The following CSMD1 variants were observed in gnomAD, a reference collection of about 807,000 sequenced individuals.
The protein encoded by CSMD1 is CUB and Sushi multiple domains 1.
A neutral mutation model predicts 417.5 loss-of-function variants in CSMD1; 213 were observed. The observed-to-expected ratio is 0.51, with a 90% confidence interval of 0.46 to 0.57. The LOEUF (loss-of-function observed/expected upper bound fraction) is 0.57. CSMD1 is among the 20% of genes least tolerant of loss of function. The probability of loss-of-function intolerance (pLI) is 0.00; values close to 1 mark genes in which losing one functional copy is unlikely to be tolerated. For missense variants in CSMD1, 6,923 were observed against 4,529.7 expected (o/e 1.53, Z -15.17); for synonymous variants, 2,862 against 1,736.8 (o/e 1.65, Z -16.11).
chr8:3,348,199 A>G (rs1445746970), intron 21 of CSMD1, 38 bp from the exon 22 acceptor site: 2 of 1,547,374 alleles, frequency 1.3e-6, no homozygotes, highest in Non-Finnish European at 1.8e-6. Context: ...AGGATTCAAA[A>G]GTGGAATTAC....
chr8:4,645,378 A>C (rs117338294), intron 1 of CSMD1, among the ~76,000 whole-genome samples: 2,613 of 143,288 alleles, frequency 0.018, 37 homozygotes, highest in South Asian at 0.038. Flanking sequence ...TAATGGTAAT[A>C]AAGTCATTCA....
intron 3 of CSMD1, among the ~76,000 whole-genome samples, chr8:4,170,943 G>C (rs183882276): frequency 1.3e-5 from 2 of 151,694 alleles, no homozygotes; most frequent in Non-Finnish European, 2.9e-5. Flanking sequence ...GCTGTGTTAC[G>C]CAAATGTCAT....
At chr8:3,101,900 C>G (rs868426133) in intron 46 of CSMD1, among the ~76,000 whole-genome samples, 1 of 146,154 alleles carries the variant, frequency 6.8e-6, no homozygotes, top group Non-Finnish European at 1.5e-5. Flanking sequence ...ATGCGGGGTT[C>G]AAGCAATTCT....
chr8:3,284,463 G>C (rs1314270227), intron 25 of CSMD1, 117 bp from the exon 26 acceptor site: 6 of 701,440 alleles, frequency 8.6e-6, no homozygotes, highest in East Asian at 2.7e-5. Flanking sequence ...CATGTGCCTC[G>C]GTACTTACTG....
chr8:3,034,775 T>C (rs890565855), intron 50 of CSMD1, among the ~76,000 whole-genome samples: 6 of 152,192 alleles, frequency 3.9e-5, no homozygotes, highest in Non-Finnish European at 7.3e-5. Context: ...TAGGGACATT[T>C]TCATTTCATG....
intron 3 of CSMD1, among the ~76,000 whole-genome samples, chr8:4,070,693 C>A (rs1031273427): frequency 6.6e-6 from 1 of 152,072 alleles, no homozygotes; most frequent in African/African-American, 2.4e-5. Context: ...ACTGAAGATC[C>A]AAGTTTTCAC....
At chr8:4,035,737 A>G (rs1443849215) in intron 3 of CSMD1, among the ~76,000 whole-genome samples, 1 of 152,244 alleles carries the variant, frequency 6.6e-6, no homozygotes, top group East Asian at 1.9e-4. Context: ...TCAAATGCTT[A>G]AAAATGAAAA....
intron 5 of CSMD1, among the ~76,000 whole-genome samples, chr8:3,781,763 G>C (rs575899407): frequency 1.3e-5 from 2 of 152,182 alleles, no homozygotes; most frequent in African/African-American, 4.8e-5. Flanking sequence ...AGAGACAACA[G>C]AGGGCTTAGA....
chr8:4,295,255 TTTCTATATAATCTTAAGATTATATGC>T (rs1797607205), intron 3 of CSMD1, among the ~76,000 whole-genome samples: 1 of 99,028 alleles, frequency 1.0e-5, no homozygotes, highest in Non-Finnish European at 2.3e-5. Flanking sequence ...ATCTTAAGAT[TTTCTATATAATCTTAAGATTATATGC>T]ACATATAATC....
intron 2 of CSMD1, among the ~76,000 whole-genome samples, chr8:4,488,632 C>G (rs1466918646): frequency 6.6e-6 from 1 of 152,016 alleles, no homozygotes; most frequent in Non-Finnish European, 1.5e-5. Context: ...TAGCAAAATA[C>G]TCCCTTACAT....
At chr8:3,242,666 C>G (rs911799185) in intron 26 of CSMD1, among the ~76,000 whole-genome samples, 6 of 151,560 alleles carry the variant, frequency 4.0e-5, no homozygotes, top group African/African-American at 1.2e-4. Flanking sequence ...AGAACACAGG[C>G]TAAGGGAGAA....
intron 2 of CSMD1, among the ~76,000 whole-genome samples, chr8:4,595,167 G>A (rs1299231762): frequency 6.6e-6 from 1 of 151,956 alleles, no homozygotes; most frequent in Non-Finnish European, 1.5e-5. Context: ...GTGAAAGAGT[G>A]TTACTAATTA....
chr8:4,650,012 T>C (rs1488853080), intron 1 of CSMD1, among the ~76,000 whole-genome samples: 1 of 152,150 alleles, frequency 6.6e-6, no homozygotes, highest in Non-Finnish European at 1.5e-5. Context: ...TTGATTGATA[T>C]TAGAATTTAT....
intron 3 of CSMD1, among the ~76,000 whole-genome samples, chr8:4,178,674 A>G (rs535294216): frequency 2.0e-5 from 3 of 152,344 alleles, no homozygotes; most frequent in East Asian, 3.9e-4. Context: ...TTGTTTATCT[A>G]GAAAACCCCA....
rs138128369 is a variant in CSMD1 at position 3,435,676 on chromosome 8, C to T, written c.1562-26071G>A. ...CACCTGCACGGTGCCACCCACCTTC[C>T]GTCCTACCTCCTGCCTTCACCCAGA... On this transcript the variant is annotated intron_variant, in intron 12 of 69. Transcript: ENST00000635120. Among the ~76,000 whole-genome samples, 172 of 152,206 alleles carry T rather than the reference C, an allele frequency of 1.1e-3. 1 individual carries two copies. The highest frequency in any genetic ancestry group is 3.4e-3 in the Middle Eastern group (1 of 292).
chr8:3,576,049 AT>A (rs1800138114), intron 9 of CSMD1, among the ~76,000 whole-genome samples: 3 of 152,126 alleles, frequency 2.0e-5, no homozygotes, highest in Admixed American at 2.0e-4. Context: ...CATAGGAAGG[AT>A]TAATCCTCGT....
At chr8:3,242,348 C>G (rs35309377) in intron 26 of CSMD1, among the ~76,000 whole-genome samples, 1 of 149,728 alleles carries the variant, frequency 6.7e-6, no homozygotes, top group Non-Finnish European at 1.5e-5. Flanking sequence ...GACTCAGCGA[C>G]GCTTGGGGTT....
chr8:4,262,154 G>C lies in CSMD1; in HGVS notation c.415+157799C>G, dbSNP rs569137007. 3.9e-5 allele frequency among the ~76,000 whole-genome samples: 6 copies of C among 152,190 alleles called. No homozygotes were observed. In the South Asian group the frequency reaches 1.0e-3, roughly 26 times the overall value. ...TAGAGTTCTAATTCTGCTATTTGTAGATTCTCATTCAGAGTCATTTGCTTT... is the reference window on the plus strand; with the variant it reads ...TAGAGTTCTAATTCTGCTATTTGTACATTCTCATTCAGAGTCATTTGCTTT... On this transcript the variant is annotated intron_variant, in intron 3 of 69. Transcript: ENST00000635120.
intron 1 of CSMD1, among the ~76,000 whole-genome samples, chr8:4,986,237 G>C (rs895028335): frequency 1.3e-5 from 2 of 152,132 alleles, no homozygotes; most frequent in African/African-American, 4.8e-5. Context: ...CGCCAGGAAA[G>C]ATTTTAGGAA....
Sources: gnomAD v4.1 joint callset for allele counts (sites outside exome capture counted in the v4.1 genomes callset) on GRCh38, gnomAD v4.1.1 for gene constraint, MANE v1.5 for transcripts, NCBI Gene and HGNC (gene_info 2026-07-23, HGNC 2026-07-21) for gene names.